IQCM: variants seen among roughly 807,000 people sequenced by gnomAD.
The protein encoded by IQCM is IQ domain-containing protein M.
IQCM carries 45 observed loss-of-function variants against 57.6 expected under a neutral mutation model. The observed-to-expected ratio is 0.78, with a 90% confidence interval of 0.62 to 1.00. The LOEUF (loss-of-function observed/expected upper bound fraction) is 1.00. Ranked by LOEUF, IQCM falls within the 50% of genes least tolerant of loss-of-function variation. IQCM has a pLI of 0.00. For synonymous variants in IQCM, 148 were observed against 158.9 expected (o/e 0.93, Z 0.51); for missense variants, 468 against 511.6 (o/e 0.91, Z 0.82).
At chr4:149,507,913 A>C (rs1743991960) in intron 12 of IQCM, among the ~76,000 whole-genome samples, 1 of 152,066 alleles carries the variant, frequency 6.6e-6, no homozygotes, top group Non-Finnish European at 1.5e-5. Context: ...GGGCTGAGCC[A>C]GGGTCCCTCT....
At chr4:149,556,639 A>G (rs1230959402) in intron 10 of IQCM, among the ~76,000 whole-genome samples, 1 of 152,200 alleles carries the variant, frequency 6.6e-6, no homozygotes, top group African/African-American at 2.4e-5. Flanking sequence ...AAATGGCAAA[A>G]CCTATACACA....
At chr4:149,654,083 G>A (rs79514373) in intron 7 of IQCM, among the ~76,000 whole-genome samples, 1 of 152,216 alleles carries the variant, frequency 6.6e-6, no homozygotes, top group African/African-American at 2.4e-5. Context: ...AAGCGGATAC[G>A]AATATCCTCA....
At chr4:149,397,020 A>G (rs1300356269) in intron 13 of IQCM, among the ~76,000 whole-genome samples, 1 of 152,012 alleles carries the variant, frequency 6.6e-6, no homozygotes, top group Admixed American at 6.6e-5. Context: ...GAATGCTCAT[A>G]TCTTGGAGAC....
In IQCM at chr4:149,598,159, T is replaced by C. The variant is rs182005353; in HGVS notation, c.682-10162A>G. On this transcript the variant is annotated intron_variant, in intron 8 of 13. Coordinates refer to ENST00000636793, the MANE Select transcript of IQCM (RefSeq NM_001363507.2). ...AAAGGATGTAGTTCAAGAAGGAAAATTATCCAAGAGGTCTGTGATGCTAGA... is the reference window on the plus strand; with the variant it reads ...AAAGGATGTAGTTCAAGAAGGAAAACTATCCAAGAGGTCTGTGATGCTAGA... Among the ~76,000 whole-genome samples the C allele has an allele frequency of 1.5e-3, 223 of 152,218 alleles. 1 individual carries two copies. Among genetic ancestry groups the C allele is most frequent in the African/African-American group, 5.2e-3 (216 of 41,542 alleles).
At chr4:149,573,809 T>C (rs1054823586) in intron 9 of IQCM, among the ~76,000 whole-genome samples, 2 of 151,828 alleles carry the variant, frequency 1.3e-5, no homozygotes, top group Non-Finnish European at 2.9e-5. Context: ...ATAGTTTTGT[T>C]GGATGATTAT....
At chr4:149,687,513 G>T (rs1762632482) in intron 5 of IQCM, among the ~76,000 whole-genome samples, 1 of 151,442 alleles carries the variant, frequency 6.6e-6, no homozygotes, top group Non-Finnish European at 1.5e-5. Context: ...ATCTAGAGAT[G>T]ATTTAAAGTA....
intron 13 of IQCM, among the ~76,000 whole-genome samples, chr4:149,403,338 T>C (rs1055442082): frequency 6.6e-5 from 10 of 152,024 alleles, no homozygotes; most frequent in African/African-American, 2.2e-4. Flanking sequence ...GTATTTTCTC[T>C]TCTGCAATAA....
intron 12 of IQCM, among the ~76,000 whole-genome samples, chr4:149,490,428 T>C (rs1165541157): frequency 6.6e-6 from 1 of 152,042 alleles, no homozygotes; most frequent in African/African-American, 2.4e-5. Flanking sequence ...CCAACTCTAA[T>C]TGCATGAGTT....
At chr4:149,668,249 C>T (rs1208797015) in intron 7 of IQCM, among the ~76,000 whole-genome samples, 1 of 152,150 alleles carries the variant, frequency 6.6e-6, no homozygotes, top group Non-Finnish European at 1.5e-5. Context: ...CCCTACGAGC[C>T]AGAAGAGAGT....
At chr4:149,574,213 CT>C (rs1751434402) in intron 9 of IQCM, among the ~76,000 whole-genome samples, 1 of 151,898 alleles carries the variant, frequency 6.6e-6, no homozygotes, top group Admixed American at 6.6e-5. Flanking sequence ...AGAAATTATT[CT>C]TTGCTTACCC....
In IQCM at chr4:149,575,598, T is replaced by A. The variant is rs58856339; in HGVS notation, c.750-11708A>T. On this transcript the variant is annotated intron_variant, in intron 9 of 13. Transcript: ENST00000636793. ...CCCCAATCATTCCTCAAAATGCTAC[T>A]CCATGCCAATCCCCAAAAAACAAGT... 8.7e-3 allele frequency among the ~76,000 whole-genome samples: 1,324 copies of A among 151,946 alleles called. 12 individuals carry two copies. The highest frequency in any genetic ancestry group is 0.03 in the African/African-American group (1,253 of 41,518).
rs571662005 is a variant in IQCM at position 149,732,554 on chromosome 4, C to T, written c.385+690G>A. ...AGCCTTTTAATTGCTGTTTCTCCAGCTCTTAACTTAGTGCCTGGCACAGAG... is the reference window on the plus strand; with the variant it reads ...AGCCTTTTAATTGCTGTTTCTCCAGTTCTTAACTTAGTGCCTGGCACAGAG... On this transcript the variant is annotated intron_variant, in intron 5 of 13. Coordinates refer to ENST00000636793, the MANE Select transcript of IQCM (RefSeq NM_001363507.2). 2.3e-4 allele frequency among the ~76,000 whole-genome samples: 35 copies of T among 152,242 alleles called. No individual in the cohort carries two copies. In the South Asian group the frequency reaches 4.6e-3, roughly 20 times the overall value.
chr4:149,535,272 TATTA>T (rs894565104), intron 12 of IQCM, among the ~76,000 whole-genome samples: 2 of 152,078 alleles, frequency 1.3e-5, no homozygotes, highest in African/African-American at 4.8e-5. Flanking sequence ...GGAATAATTA[TATTA>T]ATTAAAAGTT....
At chr4:149,487,806 G>C (rs1741680342) in intron 12 of IQCM, among the ~76,000 whole-genome samples, 1 of 152,102 alleles carries the variant, frequency 6.6e-6, no homozygotes, top group Non-Finnish European at 1.5e-5. Context: ...TGCCTCTTCT[G>C]GGAGATGGGG....
intron 5 of IQCM, among the ~76,000 whole-genome samples, chr4:149,724,566 C>T (rs1765726372): frequency 6.6e-6 from 1 of 151,980 alleles, no homozygotes; most frequent in Non-Finnish European, 1.5e-5. Context: ...CAAACACACA[C>T]ATACACACTC....
intron 13 of IQCM, among the ~76,000 whole-genome samples, chr4:149,397,368 G>A (rs572354740): frequency 1.3e-5 from 2 of 152,006 alleles, no homozygotes; most frequent in East Asian, 2.0e-4. Flanking sequence ...CACCCAAATC[G>A]AATCTCGAAT....
chr4:149,771,163 T>TG (rs1414486594), intron 2 of IQCM, among the ~76,000 whole-genome samples: 4 of 152,064 alleles, frequency 2.6e-5, no homozygotes, highest in African/African-American at 9.6e-5. Flanking sequence ...TTCAGACAGA[T>TG]AACCCAAGGA....
Position 149,390,085 on chromosome 4 carries a change from C to T in IQCM, c.1391-38019G>A, listed in dbSNP as rs928109724. Among the ~76,000 whole-genome samples, 60 of 152,082 alleles carry T rather than the reference C, an allele frequency of 3.9e-4. 1 individual carries two copies. Among genetic ancestry groups the T allele is most frequent in the African/African-American group, 1.4e-3 (60 of 41,538 alleles). ...CCACCATCTTGGTGGCAATGCTGAT[C>T]TGTAAACATGAGATGTTTTCAATTA... On this transcript the variant is annotated intron_variant, in intron 13 of 13. Coordinates refer to ENST00000636793, the MANE Select transcript of IQCM (RefSeq NM_001363507.2).
In IQCM at chr4:149,559,320, T is replaced by C. The variant is rs1240325311; in HGVS notation, c.948+4372A>G. Among the ~76,000 whole-genome samples, 4 of 152,214 alleles carry C rather than the reference T, an allele frequency of 2.6e-5. No homozygotes were observed. In the East Asian group the frequency reaches 7.7e-4, roughly 29 times the overall value. On this transcript the variant is annotated intron_variant, in intron 10 of 13. Coordinates refer to ENST00000636793, the MANE Select transcript of IQCM (RefSeq NM_001363507.2). ...TTCTCAGACACCAAGTATAAACTCC[T>C]TATTAAGTTTTCTAAGAACGTTATT...
Sources: allele counts gnomAD v4.1 joint callset (sites outside exome capture counted in the v4.1 genomes callset), GRCh38; gene constraint gnomAD v4.1.1; transcripts MANE v1.5; gene names NCBI Gene and HGNC (gene_info 2026-07-23, HGNC 2026-07-21).